The following ZFHX3 variants were observed in gnomAD, a reference collection of about 807,000 sequenced individuals.
The protein encoded by ZFHX3 is zinc finger homeobox protein 3.
ZFHX3 carries 42 observed loss-of-function variants against 279.1 expected under a neutral mutation model. The observed-to-expected ratio is 0.15, with a 90% CI of 0.12 to 0.19. The LOEUF (loss-of-function observed/expected upper bound fraction) is 0.19, where lower values mean the gene tolerates loss of function less well. Among genes scored for constraint, ZFHX3 ranks in the 10% least tolerant of loss-of-function variants. The pLI, the probability that ZFHX3 is intolerant of heterozygous loss-of-function variation, is 1.00. For missense variants in ZFHX3, 4,981 were observed against 4,754.0 expected (o/e 1.05, Z -1.40); for synonymous variants, 2,293 against 1,957.8 (o/e 1.17, Z -4.52).
intron 3 of ZFHX3, among the ~76,000 whole-genome samples, chr16:73,360,278 A>G (rs985179776): frequency 7.2e-5 from 11 of 152,338 alleles, no homozygotes; most frequent in Middle Eastern, 3.4e-3. Flanking sequence ...CAACCACCCA[A>G]TGAGGAAACT....
At chr16:73,231,414 G>A (rs1335311278) in intron 5 of ZFHX3, among the ~76,000 whole-genome samples, 1 of 152,188 alleles carries the variant, frequency 6.6e-6, no homozygotes, top group Admixed American at 6.5e-5. Context: ...GGGCAAGTGA[G>A]GGAAAAAGAC....
chr16:72,958,997 G>A lies in ZFHX3; in HGVS notation c.1149C>T (p.Ser383=), dbSNP rs201339061. 1.1e-4 allele frequency: 178 copies of A among 1,608,174 alleles called. No individual in the cohort carries two copies. Among genetic ancestry groups the A allele is most frequent in the Non-Finnish European group, 1.4e-4 (166 of 1,177,394 alleles). The part of the protein sequence containing the change: ...MEGEEALPAG[S]AAGPEQPQAG... ...CCTGGGGCTGCTCGGGGCCAGCGGCGGAGCCCGCTGGGAGAGCTTCCTCCC... is the reference window on the plus strand; with the variant it reads ...CCTGGGGCTGCTCGGGGCCAGCGGCAGAGCCCGCTGGGAGAGCTTCCTCCC... The change falls in exon 2 of 10, where the codon TCC becomes TCT. Residue 383 remains serine, a synonymous_variant. Transcript: ENST00000268489.
intron 5 of ZFHX3, among the ~76,000 whole-genome samples, chr16:73,209,741 T>C (rs2011942169): frequency 6.6e-6 from 1 of 152,182 alleles, no homozygotes; most frequent in Non-Finnish European, 1.5e-5. Flanking sequence ...TTCAATCTTT[T>C]GCAATATTAT....
At chr16:73,798,630 T>C (rs1024504150) in intron 1 of ZFHX3, among the ~76,000 whole-genome samples, 1 of 152,150 alleles carries the variant, frequency 6.6e-6, no homozygotes, top group African/African-American at 2.4e-5. Flanking sequence ...ATAGCTTGTC[T>C]GAAGGAAATT....
At chr16:73,040,806 A>C (rs1965083598) in intron 1 of ZFHX3, among the ~76,000 whole-genome samples, 1 of 152,188 alleles carries the variant, frequency 6.6e-6, no homozygotes, top group Non-Finnish European at 1.5e-5. Context: ...TCAGTATGTG[A>C]AGTGGTATGA....
rs954793357 is a variant in ZFHX3, at chr16:72,787,408, C to G, written c.10868G>C (p.Arg3623Pro). Residue 3623 changes from arginine to proline, a missense_variant, in exon 10 of 10, where the codon CGG (arginine) becomes CCG (proline). Coordinates refer to ENST00000268489, the MANE Select transcript of ZFHX3 (RefSeq NM_006885.4). ...SRKSWPQVVS[R>P]ASAAKPPSFP... ...AGAAGGGGGCTTCGCTGCCGAAGCC[C>G]GGGAGACCACTTGCGGCCAAGACTT... 2.0e-6 allele frequency: 3 copies of G among 1,468,410 alleles called. No homozygotes were observed. Among genetic ancestry groups the G allele is most frequent in the Non-Finnish European group, 2.7e-6 (3 of 1,091,442 alleles). The allele number at this position is 1,468,410 out of a possible 1,614,324, so 91.0% of individuals were successfully genotyped here.
At chr16:73,021,332 C>T (rs1346783992) in intron 1 of ZFHX3, among the ~76,000 whole-genome samples, 6 of 152,160 alleles carry the variant, frequency 3.9e-5, no homozygotes, top group African/African-American at 1.2e-4. Flanking sequence ...AAAAATCTTG[C>T]AGTCACCCTT....
chr16:73,768,794 A>G lies in ZFHX3; in HGVS notation c.-1607-88554T>C, dbSNP rs367579752. Among the ~76,000 whole-genome samples, 6 of 152,330 alleles carry G rather than the reference A, an allele frequency of 3.9e-5. No individual in the cohort carries two copies. In the East Asian group the frequency reaches 7.7e-4, roughly 20 times the overall value. Reference sequence around the variant, plus strand: ...CTGGATTTTATCATCCATGCCAACTATAAGTGATGAGTAGTGGCGACCTAC... The same window carrying G: ...CTGGATTTTATCATCCATGCCAACTGTAAGTGATGAGTAGTGGCGACCTAC... On this transcript the variant is annotated intron_variant, in intron 1 of 17. Coordinates refer to the ZFHX3 transcript ENST00000641206.
At chr16:73,415,691 T>C (rs1414167877) in intron 3 of ZFHX3, among the ~76,000 whole-genome samples, 2 of 152,230 alleles carry the variant, frequency 1.3e-5, no homozygotes, top group Non-Finnish European at 2.9e-5. Context: ...GTCTGTCCCG[T>C]CACCGCCCCA....
chr16:72,818,069 C>T (rs558761219), intron 5 of ZFHX3, among the ~76,000 whole-genome samples: 13 of 152,276 alleles, frequency 8.5e-5, no homozygotes, highest in Non-Finnish European at 1.3e-4. Context: ...TCTCTATCTC[C>T]GTTGACTAGC....
At chr16:73,800,818 G>C (rs1427593007) in intron 1 of ZFHX3, among the ~76,000 whole-genome samples, 2 of 152,148 alleles carry the variant, frequency 1.3e-5, no homozygotes, top group Non-Finnish European at 2.9e-5. Context: ...ACCCCCAAAA[G>C]AAAAACAGCA....
chr16:73,052,262 A>C (rs1010279125), upstream of ZFHX3, among the ~76,000 whole-genome samples: 10 of 152,096 alleles, frequency 6.6e-5, no homozygotes, highest in African/African-American at 2.4e-4. Context: ...AGTATGTACC[A>C]AAAGCACTTT....
intron 1 of ZFHX3, among the ~76,000 whole-genome samples, chr16:73,045,011 A>T (rs1965241748): frequency 6.6e-6 from 1 of 152,202 alleles, no homozygotes; most frequent in South Asian, 2.1e-4. Flanking sequence ...TTGCTTAGTC[A>T]CTTAAATATT....
At chr16:73,462,677 A>G (rs192557908) in intron 2 of ZFHX3, among the ~76,000 whole-genome samples, 3 of 152,302 alleles carry the variant, frequency 2.0e-5, no homozygotes, top group Non-Finnish European at 4.4e-5. Context: ...ATGTGATTAT[A>G]CATTCCTCTT....
chr16:73,200,162 A>G (rs1323919542), intron 5 of ZFHX3, among the ~76,000 whole-genome samples: 1 of 152,218 alleles, frequency 6.6e-6, no homozygotes, highest in East Asian at 1.9e-4. Flanking sequence ...ATAAAAACTA[A>G]AAAATGAATA....
At chr16:73,578,494 A>G (rs1359431144) in intron 2 of ZFHX3, among the ~76,000 whole-genome samples, 2 of 152,190 alleles carry the variant, frequency 1.3e-5, no homozygotes, top group Non-Finnish European at 2.9e-5. Context: ...TTAAAATGCT[A>G]AGAGGCTTTA....
intron 7 of ZFHX3, among the ~76,000 whole-genome samples, chr16:72,804,557 T>C (rs1213687788): frequency 6.6e-6 from 1 of 152,080 alleles, no homozygotes; most frequent in Non-Finnish European, 1.5e-5. Flanking sequence ...AAATACATAG[T>C]TCCAAGCTCT....
At chr16:73,847,989 G>C (rs1250710048) in intron 1 of ZFHX3, among the ~76,000 whole-genome samples, 1 of 136,274 alleles carries the variant, frequency 7.3e-6, no homozygotes, top group Non-Finnish European at 1.5e-5. Flanking sequence ...TCAAACTCCT[G>C]ACCTCATGAT....
intron 8 of ZFHX3, chr16:73,092,389 C>T (rs59590642): frequency 0.076 from 11,658 of 152,818 alleles, 616 homozygotes; most frequent in African/African-American, 0.15. Context: ...CCTCACCAGT[C>T]CCCCAGAAAA....
Sources: gnomAD v4.1 joint callset for allele counts (sites outside exome capture counted in the v4.1 genomes callset) on GRCh38, gnomAD v4.1.1 for gene constraint, MANE v1.5 for transcripts, NCBI Gene and HGNC (gene_info 2026-07-23, HGNC 2026-07-21) for gene names.